Variants in DMD observed in about 807,000 individuals in gnomAD.
DMD encodes dystrophin.
Under a neutral mutation model 330.1 loss-of-function variants are expected in DMD, and 63 were observed. That is an observed-to-expected ratio of 0.19 (90% CI 0.16 to 0.24). The LOEUF is 0.24. Ranked by LOEUF, DMD falls within the 10% of genes least tolerant of loss-of-function variation. The pLI, the probability that DMD is intolerant of heterozygous loss-of-function variation, is 1.00. For synonymous variants in DMD, 1,223 were observed against 959.8 expected (o/e 1.27, Z -5.07); for missense variants, 3,344 against 2,684.1 (o/e 1.25, Z -5.43).
intron 60 of DMD, among the ~76,000 whole-genome samples, chrX:31,370,630 T>C (rs961338747): frequency 1.8e-5 from 2 of 112,413 alleles, no homozygotes; most frequent in Admixed American, 9.4e-5. Context: ...AGTTTGGCAG[T>C]TTTAAAACTA....
intron 44 of DMD, among the ~76,000 whole-genome samples, chrX:32,074,556 T>G (rs2096327317): frequency 9.0e-6 from 1 of 111,446 alleles, no homozygotes; most frequent in Admixed American, 9.6e-5. Flanking sequence ...TTGCAACACA[T>G]AAAAATTATA....
At chrX:31,559,509 C>T (rs1402657305) in intron 55 of DMD, among the ~76,000 whole-genome samples, 4 of 89,026 alleles carry the variant, frequency 4.5e-5, no homozygotes, top group Non-Finnish European at 6.4e-5. Context: ...GGCATGGTGG[C>T]GCGCGCCTGT....
intron 43 of DMD, among the ~76,000 whole-genome samples, chrX:32,247,656 C>T (rs1474967046): frequency 4.5e-5 from 5 of 111,091 alleles, no homozygotes; most frequent in African/African-American, 6.5e-5. Context: ...TCATCTCACC[C>T]GGATCCTTCC....
chrX:32,472,320 A>G lies in DMD; in HGVS notation c.2804-11T>C, dbSNP rs766492772. ...GCAAAGTGTCAAAAACTTTATCAAA[A>G]GGGAAAAAAGAATGAGAATCACTTA... On this transcript the variant is annotated splice_polypyrimidine_tract_variant and intron_variant, in intron 21 of 78. Transcript: ENST00000357033. The G allele has an allele frequency of 1.7e-5, 20 of 1,207,062 alleles. No individual in the cohort carries two copies. In the African/African-American group the frequency reaches 2.6e-4, roughly 16 times the overall value.
At chrX:32,443,279 G>A (rs988472707) in intron 27 of DMD, among the ~76,000 whole-genome samples, 4 of 110,993 alleles carry the variant, frequency 3.6e-5, no homozygotes, top group African/African-American at 1.3e-4. Context: ...CAGAGTATTC[G>A]ATCTCTATCT....
chrX:33,314,014 G>A (rs187891569), intron 1 of DMD, among the ~76,000 whole-genome samples: 20 of 109,448 alleles, frequency 1.8e-4, no homozygotes, highest in East Asian at 1.7e-3. Flanking sequence ...TGTGTAATGT[G>A]AGAATGTGCA....
intron 1 of DMD, among the ~76,000 whole-genome samples, chrX:33,264,984 G>A (rs767398187): frequency 1.8e-5 from 2 of 110,956 alleles, no homozygotes; most frequent in Non-Finnish European, 3.8e-5. Context: ...GAGTGAAAGG[G>A]CAATCAAGGA....
At chrX:31,889,827 T>C (rs1484550267) in intron 47 of DMD, among the ~76,000 whole-genome samples, 1 of 110,371 alleles carries the variant, frequency 9.1e-6, no homozygotes, top group Non-Finnish European at 1.9e-5. Context: ...TCAGAAATCT[T>C]TGATCTTATT....
chrX:32,908,491 G>A (rs2086913302), intron 2 of DMD, among the ~76,000 whole-genome samples: 1 of 112,012 alleles, frequency 8.9e-6, no homozygotes, highest in African/African-American at 3.2e-5. Flanking sequence ...CTAAAAGTCT[G>A]GCAGCAAAAA....
At chrX:32,681,945 G>A (rs1459014207) in intron 9 of DMD, among the ~76,000 whole-genome samples, 1 of 111,604 alleles carries the variant, frequency 9.0e-6, no homozygotes, top group Admixed American at 9.5e-5. Context: ...CAGGAAGAGG[G>A]AGATACATGT....
chrX:31,951,139 ATGTGTATATATATATATATG>A (rs2095163281), intron 45 of DMD, among the ~76,000 whole-genome samples: 4 of 72,232 alleles, frequency 5.5e-5, no homozygotes, highest in Non-Finnish European at 7.7e-5. Context: ...ATATATATAT[ATGTGTATATATATATATATG>A]TATATATATA....
At chrX:31,443,088 C>A (rs1414352655) in intron 60 of DMD, among the ~76,000 whole-genome samples, 1 of 111,202 alleles carries the variant, frequency 9.0e-6, no homozygotes, top group African/African-American at 3.3e-5. Flanking sequence ...AAGTTAAAAC[C>A]AAATAGTTTT....
intron 60 of DMD, among the ~76,000 whole-genome samples, chrX:31,399,245 G>A (rs1447274831): frequency 1.8e-5 from 2 of 109,661 alleles, no homozygotes; most frequent in Non-Finnish European, 3.8e-5. Flanking sequence ...AGCTGAAAAG[G>A]GGATGGAGTG....
At chrX:32,260,882 A>ATC (rs1313650037) in intron 43 of DMD, among the ~76,000 whole-genome samples, 22 of 111,900 alleles carry the variant, frequency 2.0e-4, no homozygotes, top group Non-Finnish European at 2.6e-4. Context: ...ATTTTAGAGA[A>ATC]AATAAGTACA....
chrX:32,917,035 C>T (rs1453521408), intron 2 of DMD, among the ~76,000 whole-genome samples: 4 of 111,304 alleles, frequency 3.6e-5, no homozygotes, highest in Non-Finnish European at 7.5e-5. Flanking sequence ...AAATAGTAAT[C>T]TCCTTGTGTC....
rs774572582 is a variant in DMD at position 33,332,511 on chromosome X, A to C, written c.7+6748T>G. On this transcript the variant is annotated intron_variant, in intron 1 of 17. Transcript: ENST00000288447. ...CAAATACACATGAGAGCTTTATACT[A>C]AGACGGCCATCTCCTCCCTCTGACT... Among the ~76,000 whole-genome samples the C allele has an allele frequency of 3.6e-5, 4 of 111,582 alleles. No homozygotes were observed. The East Asian group carries it at 8.5e-4, about 24-fold the overall frequency.
At position 31,820,079 on chromosome X, in the gene DMD, T is replaced by G. The variant is rs1262340522; in HGVS notation, c.7205A>C (p.Lys2402Thr). 8.3e-7 allele frequency: 1 copy of G among 1,204,528 alleles called. No individual in the cohort carries two copies. The highest frequency in any genetic ancestry group is 1.1e-6 in the Non-Finnish European group (1 of 888,734). The change falls in exon 50 of 79, where the codon AAG (lysine) becomes ACG (threonine). Residue 2402 changes from lysine to threonine, a missense_variant. Physicochemically the swap from Lys to Thr is moderately conservative, Grantham distance 78 (BLOSUM62 -1). Coordinates refer to ENST00000357033, the MANE Select transcript of DMD (RefSeq NM_004006.3). Reference protein sequence around the residue: ...EKPATQPVKRKLEDLSSEWKA... With the variant: ...EKPATQPVKRTLEDLSSEWKA... ...CCACTCAGAGCTCAGATCTTCTAACTTCCTCTTTAACAGAAAAGCATACAC... is the reference window on the plus strand; with the variant it reads ...CCACTCAGAGCTCAGATCTTCTAACGTCCTCTTTAACAGAAAAGCATACAC...
intron 1 of DMD, among the ~76,000 whole-genome samples, chrX:33,318,892 A>G (rs1271733345): frequency 9.0e-6 from 1 of 111,313 alleles, no homozygotes; most frequent in Non-Finnish European, 1.9e-5. Context: ...TTTGCTTGCA[A>G]TGTTGCTATA....
intron 55 of DMD, among the ~76,000 whole-genome samples, chrX:31,520,508 T>C (rs768150126): frequency 5.3e-4 from 59 of 111,126 alleles, no homozygotes; most frequent in Non-Finnish European, 1.1e-3. Flanking sequence ...ATTACCCCAG[T>C]CTCAGGGAAG....
Sources: allele counts gnomAD v4.1 joint callset (sites outside exome capture counted in the v4.1 genomes callset), GRCh38; gene constraint gnomAD v4.1.1; transcripts MANE v1.5; gene names NCBI Gene and HGNC (gene_info 2026-07-23, HGNC 2026-07-21).